Variants in EPB41 observed in about 807,000 individuals in gnomAD.
EPB41 encodes the protein erythrocyte membrane protein band 4.1.
In EPB41, 65 loss-of-function variants were observed where a neutral mutation model predicts 108.0. The observed-to-expected ratio is 0.60, with a 90% CI of 0.49 to 0.74. The LOEUF (loss-of-function observed/expected upper bound fraction) is 0.74. EPB41 is among the 30% of genes least tolerant of loss of function. The pLI is 0.00. For missense variants in EPB41, 875 were observed against 1,037.0 expected, an observed-to-expected ratio of 0.84 and a Z score of 2.15; for synonymous variants, 336 against 358.9, an observed-to-expected ratio of 0.94 and a Z score of 0.72.
chr1:29,072,317 T>C (rs2151120726), intron 16 of EPB41: 1 of 152,290 alleles, frequency 6.6e-6, no homozygotes, highest in Non-Finnish European at 1.5e-5. Flanking sequence ...GAAATAAAGA[T>C]ACAAGAGTTT....
At chr1:29,049,845 A>G (rs186348168) in intron 11 of EPB41, among the ~76,000 whole-genome samples, 1 of 152,306 alleles carries the variant, frequency 6.6e-6, no homozygotes, top group Admixed American at 6.5e-5. Flanking sequence ...TGTATTGTCT[A>G]TATATGCACC....
intron 2 of EPB41, among the ~76,000 whole-genome samples, 157 bp from the exon 3 acceptor site, chr1:28,993,173 A>C (rs969809408): frequency 3.9e-5 from 6 of 152,104 alleles, no homozygotes; most frequent in African/African-American, 1.4e-4. Flanking sequence ...CATTTGGGGG[A>C]TCATACTATT....
chr1:29,076,598 T>G (rs1654167166), intron 16 of EPB41, among the ~76,000 whole-genome samples: 1 of 152,194 alleles, frequency 6.6e-6, no homozygotes, highest in African/African-American at 2.4e-5. Context: ...TTTATACCAG[T>G]GTGATGATAA....
At chr1:29,069,101 T>C in intron 16 of EPB41, 3 of 1,163,572 alleles carry the variant, frequency 2.6e-6, no homozygotes, top group Non-Finnish European at 3.2e-6. Flanking sequence ...CCCACTTTAT[T>C]TTCTTTCAAA....
chr1:28,991,784 T>C (rs1263390573), intron 2 of EPB41, among the ~76,000 whole-genome samples: 1 of 151,826 alleles, frequency 6.6e-6, no homozygotes, highest in African/African-American at 2.4e-5. Context: ...TGTATGATCC[T>C]AGGCAAGTTA....
At chr1:28,954,821 T>A (rs543227501) in intron 1 of EPB41, among the ~76,000 whole-genome samples, 1 of 152,334 alleles carries the variant, frequency 6.6e-6, no homozygotes, top group Non-Finnish European at 1.5e-5. Context: ...CCCAGTCTGA[T>A]GAAGTGATTT....
At chr1:28,982,245 T>G (rs568408121) in intron 1 of EPB41, 536 of 446,430 alleles carry the variant, frequency 1.2e-3, no homozygotes, top group Admixed American at 3.3e-3. Flanking sequence ...TATGGCTGCT[T>G]CTTTTTAATT....
At chr1:28,978,480 A>G (rs1437424139) in intron 1 of EPB41, among the ~76,000 whole-genome samples, 1 of 151,600 alleles carries the variant, frequency 6.6e-6, no homozygotes, top group Admixed American at 6.6e-5. Flanking sequence ...TGGAAATTAA[A>G]TATGGTTTAA....
At chr1:29,080,006 G>GA (rs562708374) in intron 16 of EPB41, among the ~76,000 whole-genome samples, 1 of 151,768 alleles carries the variant, frequency 6.6e-6, no homozygotes, top group Non-Finnish European at 1.5e-5. Context: ...TCAAAAAAAA[G>GA]AAAAAAATAT....
chr1:28,912,264 T>C (rs2092296402), upstream of EPB41, among the ~76,000 whole-genome samples: 1 of 152,146 alleles, frequency 6.6e-6, no homozygotes, highest in South Asian at 2.1e-4. Flanking sequence ...AGCAATTTAT[T>C]TGAGAGGCAC....
At chr1:28,964,114 A>G (rs895437775) in intron 1 of EPB41, among the ~76,000 whole-genome samples, 1 of 152,126 alleles carries the variant, frequency 6.6e-6, no homozygotes, top group Non-Finnish European at 1.5e-5. Flanking sequence ...ACATTAACAC[A>G]TATTTTACTA....
At chr1:29,007,667 T>C in intron 4 of EPB41, among the ~76,000 whole-genome samples, 1 of 152,186 alleles carries the variant, frequency 6.6e-6, no homozygotes, top group East Asian at 1.9e-4. Context: ...TTGATGATCT[T>C]AATTACTCCC....
intron 12 of EPB41, among the ~76,000 whole-genome samples, chr1:29,058,167 A>G (rs74065241): frequency 0.019 from 2,870 of 152,320 alleles, 50 homozygotes; most frequent in Middle Eastern, 0.095. Flanking sequence ...TACGTTGATA[A>G]CTTCATATGT....
At chr1:28,929,911 CATTTAAAGTATACG>C (rs2093654774) in intron 1 of EPB41, among the ~76,000 whole-genome samples, 1 of 141,626 alleles carries the variant, frequency 7.1e-6, no homozygotes, top group Non-Finnish European at 1.5e-5. Flanking sequence ...ATGATTTAAC[CATTTAAAGTATACG>C]ATTTAATGTT....
intron 2 of EPB41, among the ~76,000 whole-genome samples, chr1:28,991,071 G>T (rs569892843): frequency 6.6e-6 from 1 of 151,608 alleles, no homozygotes; most frequent in Non-Finnish European, 1.5e-5. Flanking sequence ...AGAGTCGTCT[G>T]GATAAAGGTT....
intron 9 of EPB41, among the ~76,000 whole-genome samples, chr1:29,035,095 C>T (rs1328592173): frequency 4.0e-5 from 6 of 150,272 alleles, no homozygotes; most frequent in African/African-American, 1.5e-4. Flanking sequence ...GATTCTCCTA[C>T]CTCAGCCTCC....
At chr1:28,983,385 A>G (rs2095801415) in intron 1 of EPB41, among the ~76,000 whole-genome samples, 1 of 152,136 alleles carries the variant, frequency 6.6e-6, no homozygotes, top group South Asian at 2.1e-4. Context: ...TCTCAAAGTG[A>G]TTGTAATGGT....
intron 1 of EPB41, among the ~76,000 whole-genome samples, chr1:28,976,187 T>A (rs1410122946): frequency 1.3e-5 from 2 of 152,160 alleles, no homozygotes; most frequent in Admixed American, 6.5e-5. Context: ...ATGGTTTCAT[T>A]AATGCATGAC....
At chr1:28,998,597 G>A (rs1425510552) in intron 4 of EPB41, among the ~76,000 whole-genome samples, 2 of 152,152 alleles carry the variant, frequency 1.3e-5, no homozygotes, top group East Asian at 3.9e-4. Context: ...TCTATTTCTA[G>A]ACTATACCTA....
Sources: gnomAD v4.1 joint callset for allele counts (sites outside exome capture counted in the v4.1 genomes callset) on GRCh38, gnomAD v4.1.1 for gene constraint, MANE v1.5 for transcripts, NCBI Gene and HGNC (gene_info 2026-07-23, HGNC 2026-07-21) for gene names.